The following MAGI2 variants were observed in gnomAD, a reference collection of about 807,000 sequenced individuals.
The protein encoded by MAGI2 is membrane associated guanylate kinase, WW and PDZ domain containing 2.
Under a neutral mutation model 133.3 loss-of-function variants are expected in MAGI2, and 35 were observed. That is an observed-to-expected ratio of 0.26 (90% CI 0.20 to 0.35). The LOEUF is 0.35. Among genes scored for constraint, MAGI2 ranks in the 10% least tolerant of loss-of-function variants. The pLI, the probability that MAGI2 is intolerant of heterozygous loss-of-function variation, is 1.00. For synonymous variants in MAGI2, 729 were observed against 710.6 expected, an observed-to-expected ratio of 1.03 and a Z score of -0.41; for missense variants, 1,636 against 1,863.4, an observed-to-expected ratio of 0.88 and a Z score of 2.25.
intron 6 of MAGI2, among the ~76,000 whole-genome samples, chr7:78,454,345 T>C (rs1272737824): frequency 1.3e-5 from 2 of 152,196 alleles, no homozygotes; most frequent in Non-Finnish European, 2.9e-5. Context: ...TTCCTTTCTC[T>C]ATACATGAAA....
At chr7:79,221,698 T>A (rs1830458927) in intron 1 of MAGI2, among the ~76,000 whole-genome samples, 2 of 151,990 alleles carry the variant, frequency 1.3e-5, no homozygotes, top group African/African-American at 4.8e-5. Flanking sequence ...TTTCAATGTG[T>A]CATTGAAAAG....
chr7:78,540,235 G>T (rs1798301304), intron 3 of MAGI2, among the ~76,000 whole-genome samples: 1 of 152,226 alleles, frequency 6.6e-6, no homozygotes, highest in South Asian at 2.1e-4. Flanking sequence ...AGCTCAGCCT[G>T]TCCTTGAGCG....
intron 10 of MAGI2, among the ~76,000 whole-genome samples, chr7:78,201,474 G>A (rs1476527883): frequency 6.6e-6 from 1 of 152,150 alleles, no homozygotes; most frequent in Non-Finnish European, 1.5e-5. Flanking sequence ...AGCTTGACAA[G>A]GCTCAAAACT....
chr7:78,757,602 T>C (rs1824083806), intron 2 of MAGI2, among the ~76,000 whole-genome samples: 1 of 152,214 alleles, frequency 6.6e-6, no homozygotes, highest in African/African-American at 2.4e-5. Flanking sequence ...TAGTGAGTCC[T>C]CATCTTATAT....
chr7:78,686,152 G>A (rs1322213855), intron 2 of MAGI2, among the ~76,000 whole-genome samples: 2 of 151,364 alleles, frequency 1.3e-5, no homozygotes. Context: ...AGCCCATAGG[G>A]GAAAAAACAA....
chr7:78,383,884 G>A (rs1007827580), intron 6 of MAGI2, among the ~76,000 whole-genome samples: 16 of 152,084 alleles, frequency 1.1e-4, no homozygotes, highest in Admixed American at 3.9e-4. Flanking sequence ...TGTTGGCTTT[G>A]TTGAATATCA....
At chr7:78,635,769 C>T (rs1349064756) in intron 2 of MAGI2, among the ~76,000 whole-genome samples, 3 of 152,160 alleles carry the variant, frequency 2.0e-5, no homozygotes, top group Admixed American at 2.0e-4. Context: ...TACTCATCAG[C>T]AAGTAAGAAC....
chr7:78,322,884 T>G (rs532202873), intron 9 of MAGI2, among the ~76,000 whole-genome samples: 2 of 152,234 alleles, frequency 1.3e-5, no homozygotes, highest in East Asian at 3.9e-4. Context: ...AGGAAATATA[T>G]ACATATATAT....
At position 78,853,332 on chromosome 7, in the gene MAGI2, C is replaced by CTTTTTTTTTTTTTTTTT. The variant is rs60580466; in HGVS notation, c.418+153741_418+153757dup. ...CTCATATTACTCTTGTCCATTCGTT[C>CTTTTTTTTTTTTTTTTT]TTTTTTTTTTTTTTTTTTTTTTTTT... On this transcript the variant is annotated intron_variant, in intron 2 of 21. Transcript: ENST00000354212. Among the ~76,000 whole-genome samples the CTTTTTTTTTTTTTTTTT allele has an allele frequency of 5.6e-4, 14 of 25,076 alleles. 4 individuals are homozygous for CTTTTTTTTTTTTTTTTT. The highest frequency in any genetic ancestry group is 7.2e-4 in the Non-Finnish European group (10 of 13,910). 16.5% of individuals were successfully genotyped at this position (25,076 alleles called of 152,430 possible).
intron 7 of MAGI2, among the ~76,000 whole-genome samples, chr7:78,364,070 G>A (rs1247213136): frequency 6.6e-6 from 1 of 151,430 alleles, no homozygotes; most frequent in African/African-American, 2.4e-5. Context: ...GCCTACTCAA[G>A]ATCTCACAGC....
intron 3 of MAGI2, among the ~76,000 whole-genome samples, chr7:78,524,406 C>T (rs1275630671): frequency 1.3e-5 from 2 of 151,972 alleles, no homozygotes; most frequent in Non-Finnish European, 1.5e-5. Flanking sequence ...GTGGTTTTAA[C>T]GGCAGTGTAA....
chr7:79,424,639 T>C (rs1040829117), intron 1 of MAGI2, among the ~76,000 whole-genome samples: 6 of 152,202 alleles, frequency 3.9e-5, no homozygotes, highest in South Asian at 2.1e-4. Flanking sequence ...AATGTATGTA[T>C]ACTTCAAAAC....
At chr7:78,961,979 T>G (rs1802887285) in intron 2 of MAGI2, among the ~76,000 whole-genome samples, 2 of 151,982 alleles carry the variant, frequency 1.3e-5, no homozygotes, top group South Asian at 4.1e-4. Context: ...TAGTGAATAC[T>G]CCAGGCAACT....
chr7:78,346,006 G>A lies in MAGI2; in HGVS notation c.1141C>T (p.Leu381=), dbSNP rs142565220. 3 of 1,614,102 alleles carry A rather than the reference G, an allele frequency of 1.9e-6. No individual in the cohort carries two copies. Among genetic ancestry groups the A allele is most frequent in the Non-Finnish European group, 8.5e-7 (1 of 1,180,014 alleles). ...TGCTGTAGCTTCCTTTTTGCTTCCA[G>A]GACAGGATTTTCAAACTGTGTTCTT... ...NRRTQFENPV[L]EAKRKLQQHN... The change falls in exon 8 of 22, where the codon CTG becomes TTG. Residue 381 remains leucine (L), a synonymous_variant. Coordinates refer to ENST00000354212, the MANE Select transcript of MAGI2 (RefSeq NM_012301.4).
At chr7:78,623,244 C>T (rs1432375171) in intron 3 of MAGI2, among the ~76,000 whole-genome samples, 1 of 151,912 alleles carries the variant, frequency 6.6e-6, no homozygotes, top group Non-Finnish European at 1.5e-5. Context: ...AATCATGTTA[C>T]TCTTTTAATG....
At chr7:78,681,249 A>G (rs766612667) in intron 2 of MAGI2, among the ~76,000 whole-genome samples, 1 of 152,158 alleles carries the variant, frequency 6.6e-6, no homozygotes, top group Non-Finnish European at 1.5e-5. Context: ...ATGTACACTT[A>G]TCAATTAGGC....
intron 1 of MAGI2, among the ~76,000 whole-genome samples, chr7:79,077,954 T>C (rs1815685440): frequency 6.6e-6 from 1 of 152,198 alleles, no homozygotes; most frequent in Non-Finnish European, 1.5e-5. Context: ...AAAAGTGAAA[T>C]TGTTGGGACA....
At chr7:78,734,444 A>C (rs924435875) in intron 2 of MAGI2, among the ~76,000 whole-genome samples, 2 of 152,138 alleles carry the variant, frequency 1.3e-5, no homozygotes, top group African/African-American at 4.8e-5. Flanking sequence ...GTGAGCCACT[A>C]TTTATAGGAC....
chr7:78,868,555 A>T (rs1794767615), intron 2 of MAGI2, among the ~76,000 whole-genome samples: 1 of 152,258 alleles, frequency 6.6e-6, no homozygotes, highest in Non-Finnish European at 1.5e-5. Context: ...TATCTAATAT[A>T]AAACCTTTTA....
Sources: gnomAD v4.1 joint callset for allele counts (sites outside exome capture counted in the v4.1 genomes callset) on GRCh38, gnomAD v4.1.1 for gene constraint, MANE v1.5 for transcripts, NCBI Gene and HGNC (gene_info 2026-07-23, HGNC 2026-07-21) for gene names.